The following TGFBR1 variants were observed in gnomAD, a reference collection of about 807,000 sequenced individuals.
The protein encoded by TGFBR1 is TGF-beta receptor type-1.
In TGFBR1, 20 loss-of-function variants were observed where a neutral mutation model predicts 55.1. That is an observed-to-expected ratio of 0.36 (90% CI 0.26 to 0.53). The LOEUF (loss-of-function observed/expected upper bound fraction) is 0.53, where lower values mean the gene tolerates loss of function less well. TGFBR1 is among the 20% of genes least tolerant of loss of function. The pLI is 0.91. For synonymous variants in TGFBR1, 220 were observed against 214.8 expected (o/e 1.02, Z -0.21); for missense variants, 385 against 617.6 (o/e 0.62, Z 3.99).
chr9:99,129,875 G>T (rs1354914064), intron 2 of TGFBR1, among the ~76,000 whole-genome samples: 1 of 151,936 alleles, frequency 6.6e-6, no homozygotes, highest in Non-Finnish European at 1.5e-5. Context: ...CTCCAGCCTG[G>T]GTGACAGAGT....
At chr9:99,136,516 T>TAATTAG (rs1827443442) in intron 3 of TGFBR1, among the ~76,000 whole-genome samples, 1 of 152,234 alleles carries the variant, frequency 6.6e-6, no homozygotes, top group African/African-American at 2.4e-5. Flanking sequence ...CTAAACAACA[T>TAATTAG]AATTAGAATT....
At chr9:99,132,470 T>C in intron 2 of TGFBR1, 39 bp from the exon 3 acceptor site, 2 of 1,611,468 alleles carry the variant, frequency 1.2e-6, no homozygotes, top group Non-Finnish European at 1.7e-6. Context: ...AGTGTTTTTG[T>C]CGTTGTTGAT....
intron 1 of TGFBR1, among the ~76,000 whole-genome samples, chr9:99,115,681 C>T (rs1033739899): frequency 6.6e-6 from 1 of 152,088 alleles, no homozygotes; most frequent in South Asian, 2.1e-4. Context: ...TCTCTTTGTT[C>T]AGCACGTGGT....
At chr9:99,137,834 G>A in intron 3 of TGFBR1, 25 bp from the exon 4 acceptor site, 1 of 1,575,380 alleles carries the variant, frequency 6.3e-7, no homozygotes, top group Non-Finnish European at 8.7e-7. Context: ...TGATTGTGTT[G>A]AGTACTATTT....
intron 8 of TGFBR1, 114 bp downstream of exon 8, chr9:99,147,898 G>A: frequency 1.6e-6 from 2 of 1,257,212 alleles, no homozygotes; most frequent in Non-Finnish European, 2.3e-6. Flanking sequence ...CTTTTTCATA[G>A]CAGTCAAACC....
rs1827979466 is a variant in TGFBR1 at position 99,151,499 on chromosome 9, A to G, written c.*2194A>G. 4.4e-6 allele frequency: 1 copy of G among 227,346 alleles called. No homozygotes were observed. The highest frequency in any genetic ancestry group is 8.7e-6 in the Non-Finnish European group (1 of 114,788). 14.1% of individuals were successfully genotyped at this position (227,346 alleles called of 1,614,324 possible). On this transcript the variant is annotated 3_prime_UTR_variant, in exon 9 of 9. Transcript: ENST00000374994. Reference sequence around the variant, plus strand: ...GCATTTTATCACTAAAACTATTTTTATATAATTTTAAGAATATACCAAAAG... The same window carrying G: ...GCATTTTATCACTAAAACTATTTTTGTATAATTTTAAGAATATACCAAAAG...
chr9:99,147,000 T>TA (rs1421079228), intron 7 of TGFBR1, among the ~76,000 whole-genome samples: 1 of 152,348 alleles, frequency 6.6e-6, no homozygotes, highest in Non-Finnish European at 1.5e-5. Flanking sequence ...ACTTGATAGT[T>TA]ACAGTTACAT....
chr9:99,143,129 G>A (rs1827677988), intron 5 of TGFBR1, among the ~76,000 whole-genome samples: 3 of 152,130 alleles, frequency 2.0e-5, no homozygotes, highest in Admixed American at 1.3e-4. Flanking sequence ...TTTTAGATGA[G>A]AACATTTTAT....
At position 99,149,276 on chromosome 9, in the gene TGFBR1, C is replaced by T. The variant is rs1564178651; in HGVS notation, c.1483C>T (p.Leu495Phe). The T allele has an allele frequency of 6.2e-7, 1 of 1,613,780 alleles. No individual in the cohort carries two copies. The highest frequency in any genetic ancestry group is 8.5e-7 in the Non-Finnish European group (1 of 1,179,844). ...GCGGATTAAGAAAACATTATCGCAA[C>T]TCAGTCAACAGGAAGGCATCAAAAT... ...ALRIKKTLSQ[L>F]SQQEGIKM Residue 495 changes from leucine to phenylalanine, a missense_variant, in exon 9 of 9, where the codon CTC becomes TTC. Transcript: ENST00000374994.
intron 1 of TGFBR1, among the ~76,000 whole-genome samples, chr9:99,116,791 G>GC (rs1826756370): frequency 1.3e-5 from 2 of 152,082 alleles, no homozygotes; most frequent in Non-Finnish European, 2.9e-5. Flanking sequence ...AACTTTATTA[G>GC]CTTGGTTACA....
chr9:99,128,780 T>G, intron 1 of TGFBR1, 75 bp from the exon 2 acceptor site: 3 of 1,566,984 alleles, frequency 1.9e-6, no homozygotes, highest in Non-Finnish European at 2.6e-6. Flanking sequence ...CAAGAATGTA[T>G]TATTAGAGTG....
Position 99,105,155 on chromosome 9 carries a change from GGC to G in TGFBR1, c.-50_-49del, listed in dbSNP as rs863223801. ...GGCGAGGCGAGGTTTGCTGGGGTGA[GGC>G]AGCGGCGCGGCCGGGCCGGGCCGGG... On this transcript the variant is annotated 5_prime_UTR_variant, in exon 1 of 9. Coordinates refer to ENST00000374994, the MANE Select transcript of TGFBR1 (RefSeq NM_004612.4). The G allele has an allele frequency of 9.2e-7, 1 of 1,082,992 alleles. No individual in the cohort carries two copies. Among genetic ancestry groups the G allele is most frequent in the Non-Finnish European group, 1.1e-6 (1 of 892,142 alleles). 67.1% of individuals were successfully genotyped at this position (1,082,992 alleles called of 1,614,324 possible).
chr9:99,114,678 T>G (rs556134595), intron 1 of TGFBR1, among the ~76,000 whole-genome samples: 1 of 152,346 alleles, frequency 6.6e-6, no homozygotes, highest in South Asian at 2.1e-4. Flanking sequence ...AATCAAGCTT[T>G]GCTAAAAGCT....
upstream of TGFBR1, among the ~76,000 whole-genome samples, chr9:99,104,351 C>T (rs2118143867): frequency 6.6e-6 from 1 of 152,188 alleles, no homozygotes; most frequent in South Asian, 2.1e-4. Context: ...AGGAGTGCGG[C>T]TTGGATCCCC....
At chr9:99,118,910 G>A (rs1826825331) in intron 1 of TGFBR1, among the ~76,000 whole-genome samples, 1 of 151,926 alleles carries the variant, frequency 6.6e-6, no homozygotes, top group Non-Finnish European at 1.5e-5. Flanking sequence ...TCTTAGTTTA[G>A]GTGTCATATT....
intron 2 of TGFBR1, among the ~76,000 whole-genome samples, chr9:99,130,633 A>G (rs1827195148): frequency 6.6e-6 from 1 of 152,250 alleles, no homozygotes. Context: ...TAATGAACAT[A>G]TATAAACTTC....
intron 1 of TGFBR1, among the ~76,000 whole-genome samples, chr9:99,106,488 A>G (rs1159429597): frequency 2.6e-5 from 4 of 152,230 alleles, no homozygotes; most frequent in Non-Finnish European, 4.4e-5. Context: ...CCTAATAGCT[A>G]CCGTCTATGT....
intron 6 of TGFBR1, 111 bp from the exon 7 acceptor site, chr9:99,146,374 T>G (rs965897676): frequency 7.3e-6 from 9 of 1,226,094 alleles, no homozygotes; most frequent in East Asian, 2.3e-5. Context: ...ATATTTGTTA[T>G]GTAATATTGT....
At chr9:99,134,067 A>G (rs1440481424) in intron 3 of TGFBR1, among the ~76,000 whole-genome samples, 2 of 152,168 alleles carry the variant, frequency 1.3e-5, no homozygotes, top group Non-Finnish European at 2.9e-5. Flanking sequence ...TTAAAGCAGA[A>G]GTTGTGACTG....
Sources: gnomAD v4.1 joint callset for allele counts (sites outside exome capture counted in the v4.1 genomes callset) on GRCh38, gnomAD v4.1.1 for gene constraint, MANE v1.5 for transcripts, NCBI Gene and HGNC (gene_info 2026-07-23, HGNC 2026-07-21) for gene names.